Variants in ACSM1 observed in about 807,000 individuals in gnomAD.
The protein encoded by ACSM1 is acyl-CoA synthetase medium chain family member 1.
A neutral mutation model predicts 75.8 loss-of-function variants in ACSM1; 79 were observed. The observed-to-expected ratio is 1.04, with a 90% CI of 0.87 to 1.26. The LOEUF is 1.26. Ranked by LOEUF, ACSM1 falls within the 50% of genes most tolerant of loss-of-function variation. The pLI is 0.00. For synonymous variants in ACSM1, 279 were observed against 265.8 expected (o/e 1.05, Z -0.48); for missense variants, 676 against 720.1 (o/e 0.94, Z 0.70).
chr16:20,666,316 C>T (rs2019564753), intron 6 of ACSM1, among the ~76,000 whole-genome samples: 1 of 152,086 alleles, frequency 6.6e-6, no homozygotes, highest in African/African-American at 2.4e-5. Flanking sequence ...CAAAAATTAG[C>T]ATTTCCATAC....
chr16:20,667,401 TATGA>T (rs1460705912), intron 6 of ACSM1, among the ~76,000 whole-genome samples: 1 of 151,966 alleles, frequency 6.6e-6, no homozygotes, highest in Non-Finnish European at 1.5e-5. Context: ...CCAACAAACA[TATGA>T]AAAAATGCTC....
At chr16:20,624,702 T>C (rs933246131) in intron 12 of ACSM1, among the ~76,000 whole-genome samples, 1 of 149,892 alleles carries the variant, frequency 6.7e-6, no homozygotes, top group African/African-American at 2.5e-5. Flanking sequence ...TAATAAAGAC[T>C]TTTTTTTTTC....
At chr16:20,670,075 C>T in intron 5 of ACSM1, 89 bp from the exon 6 acceptor site, 2 of 1,290,928 alleles carry the variant, frequency 1.5e-6, no homozygotes, top group Non-Finnish European at 2.2e-6. Context: ...ACGAACCCAC[C>T]TTTCTCACTC....
In ACSM1 at chr16:20,636,732, T is replaced by C. The variant is rs1485122643; in HGVS notation, c.1299+7A>G. The C allele has an allele frequency of 1.2e-6, 2 of 1,609,612 alleles. No individual in the cohort carries two copies. The highest frequency in any genetic ancestry group is 1.7e-6 in the Non-Finnish European group (2 of 1,176,510). ...GGCCAGGATGGGGGCAGATGGGGGGTCATTACCTCATAGCACATGAAGAGG... is the reference window on the plus strand; with the variant it reads ...GGCCAGGATGGGGGCAGATGGGGGGCCATTACCTCATAGCACATGAAGAGG... On this transcript the variant is annotated splice_region_variant and intron_variant, in intron 10 of 13. Transcript: ENST00000520010.
intron 7 of ACSM1, among the ~76,000 whole-genome samples, chr16:20,656,853 T>G (rs941894331): frequency 1.6e-4 from 23 of 140,368 alleles, no homozygotes; most frequent in African/African-American, 5.8e-4. Context: ...CTTTGAGGGA[T>G]AAAATTAGAA....
intron 7 of ACSM1, among the ~76,000 whole-genome samples, chr16:20,644,966 A>G (rs937684718): frequency 7.2e-5 from 11 of 152,182 alleles, no homozygotes; most frequent in African/African-American, 2.2e-4. Flanking sequence ...CTCAATCCTG[A>G]CTCAAAACAT....
In ACSM1 at chr16:20,681,894, A is replaced by G. The variant is rs577324591; in HGVS notation, c.611+362T>C. On this transcript the variant is annotated intron_variant, in intron 4 of 13. Transcript: ENST00000520010. Reference sequence around the variant, plus strand: ...ATCTCTCCCTTTCCCAGGCATTGTGAAGACCCTGTTTCTCCAGCTGTGCAG... The same window carrying G: ...ATCTCTCCCTTTCCCAGGCATTGTGGAGACCCTGTTTCTCCAGCTGTGCAG... 6.9e-5 allele frequency: 12 copies of G among 172,972 alleles called. No homozygotes were observed. In the South Asian group the frequency reaches 1.7e-3, roughly 24 times the overall value. The allele number at this position is 172,972 out of a possible 1,614,324, so 10.7% of individuals were successfully genotyped here. A position where few individuals can be genotyped will look rare whatever the true frequency, so the allele number is the denominator to read the frequency against.
chr16:20,631,440 T>C (rs770639505), intron 10 of ACSM1, among the ~76,000 whole-genome samples: 2 of 152,228 alleles, frequency 1.3e-5, no homozygotes, highest in Non-Finnish European at 2.9e-5. Flanking sequence ...TTAGTACAGC[T>C]GCTATGGAAA....
At chr16:20,662,794 T>C (rs231930) in intron 6 of ACSM1, among the ~76,000 whole-genome samples, 52,841 of 151,940 alleles carry the variant, frequency 0.35, 12,907 homozygotes, top group African/African-American at 0.69. Flanking sequence ...CATTTATATA[T>C]GCTTTTAAAA....
At chr16:20,668,069 A>G (rs56073015) in intron 6 of ACSM1, among the ~76,000 whole-genome samples, 23,397 of 152,124 alleles carry the variant, frequency 0.15, 2,230 homozygotes, top group East Asian at 0.5. Flanking sequence ...TACTATATGC[A>G]CTAGCTGGGT....
chr16:20,672,750 TTTATGCTTATATATAAA>T (rs1476869620), intron 4 of ACSM1, among the ~76,000 whole-genome samples: 4 of 122,310 alleles, frequency 3.3e-5, no homozygotes, highest in East Asian at 2.2e-4. Context: ...ATATATAATA[TTTATGCTTATATATAAA>T]TTATGCTTAT....
Position 20,637,447 on chromosome 16 carries a change from A to G in ACSM1, c.1121T>C (p.Leu374Pro), listed in dbSNP as rs1233553650. The G allele has an allele frequency of 3.7e-6, 6 of 1,613,774 alleles. No individual in the cohort carries two copies. The highest frequency in any genetic ancestry group is 4.2e-6 in the Non-Finnish European group (5 of 1,179,928). ...CATTCCCCAGTAGGTGGCACAAATT[A>G]GTCCCTGTTCACAAAAGAAAGAAGA... ...YENYGQSETG[L>P]ICATYWGMKI... The change falls in exon 9 of 14, where the codon CTA becomes CCA. Residue 374 changes from leucine (L) to proline (P), a missense_variant. Leu to Pro is a moderately conservative substitution (Grantham distance 98). Transcript: ENST00000520010.
At chr16:20,685,831 AC>A (rs56974460) in intron 2 of ACSM1, among the ~76,000 whole-genome samples, 8,018 of 116,424 alleles carry the variant, frequency 0.069, 1,169 homozygotes, top group Non-Finnish European at 0.079. Flanking sequence ...AAAAAAAAAA[AC>A]AAACAAAAAA....
intron 7 of ACSM1, among the ~76,000 whole-genome samples, chr16:20,647,572 G>C (rs915814426): frequency 6.6e-6 from 1 of 152,120 alleles, no homozygotes; most frequent in Non-Finnish European, 1.5e-5. Flanking sequence ...TTGAATAAGG[G>C]CTAAGAAAAA....
chr16:20,670,411 G>A (rs770988544), intron 5 of ACSM1, among the ~76,000 whole-genome samples: 2 of 152,146 alleles, frequency 1.3e-5, no homozygotes, highest in Non-Finnish European at 2.9e-5. Context: ...CTACTAGCTT[G>A]CACCTGGATT....
intron 7 of ACSM1, among the ~76,000 whole-genome samples, chr16:20,656,824 G>A (rs2018988704): frequency 6.6e-6 from 1 of 151,396 alleles, no homozygotes; most frequent in East Asian, 1.9e-4. Context: ...AGGTGGGCAT[G>A]TAAGATTGTA....
At chr16:20,690,735 T>G (rs1445912467) in intron 2 of ACSM1, among the ~76,000 whole-genome samples, 1 of 152,218 alleles carries the variant, frequency 6.6e-6, no homozygotes, top group African/African-American at 2.4e-5. Flanking sequence ...TATAGTACCC[T>G]GATTGAATAA....
At chr16:20,630,088 G>A (rs1361015604) in intron 10 of ACSM1, among the ~76,000 whole-genome samples, 1 of 151,038 alleles carries the variant, frequency 6.6e-6, no homozygotes, top group Non-Finnish European at 1.5e-5. Flanking sequence ...TTGGGTTGTG[G>A]GTTGTTATAC....
chr16:20,686,329 T>C (rs925238623), intron 2 of ACSM1, among the ~76,000 whole-genome samples: 2 of 151,960 alleles, frequency 1.3e-5, no homozygotes, highest in African/African-American at 2.4e-5. Flanking sequence ...AAACAACAGA[T>C]GGACTGAAAT....
Sources: allele counts gnomAD v4.1 joint callset (sites outside exome capture counted in the v4.1 genomes callset), GRCh38; gene constraint gnomAD v4.1.1; transcripts MANE v1.5; gene names NCBI Gene and HGNC (gene_info 2026-07-23, HGNC 2026-07-21).